Variants in RPS6KA2 observed in about 807,000 individuals in gnomAD.
RPS6KA2 encodes ribosomal protein S6 kinase A2.
Under a neutral mutation model 91.8 loss-of-function variants are expected in RPS6KA2, and 42 were observed. The observed-to-expected ratio is 0.46, with a 90% CI of 0.36 to 0.59. The LOEUF is 0.59. Among genes scored for constraint, RPS6KA2 ranks in the 20% least tolerant of loss-of-function variants. RPS6KA2 has a pLI of 0.00. For synonymous variants in RPS6KA2, 414 were observed against 393.6 expected (o/e 1.05, Z -0.61); for missense variants, 798 against 978.5 (o/e 0.82, Z 2.46).
Position 166,441,213 on chromosome 6 carries a change from G to A in RPS6KA2, c.1332+7511C>T, listed in dbSNP as rs928083279. 5.3e-5 allele frequency among the ~76,000 whole-genome samples: 8 copies of A among 152,044 alleles called. No homozygotes were observed. In the East Asian group the frequency reaches 9.7e-4, roughly 18 times the overall value. On this transcript the variant is annotated intron_variant, in intron 14 of 20. Transcript: ENST00000265678. ...ATTTTATTTAACTGCTCCTAGTCCCGGCCTCTGTGCCTGTGAACGCTCCTT... is the reference window on the plus strand; with the variant it reads ...ATTTTATTTAACTGCTCCTAGTCCCAGCCTCTGTGCCTGTGAACGCTCCTT...
In RPS6KA2 at chr6:166,533,539, G is replaced by A. The variant is rs949526287; in HGVS notation, c.217-2226C>T. On this transcript the variant is annotated intron_variant, in intron 2 of 20. Coordinates refer to ENST00000265678, the MANE Select transcript of RPS6KA2 (RefSeq NM_021135.6). The surrounding 1 kb of genome is among the most constrained non-coding windows in gnomAD (Gnocchi z 4.0). ...CAGTGACACCAGCAAGGGCAGGGGTGTGCCTTCCTGGCCTAGGCAATGAAG... is the reference window on the plus strand; with the variant it reads ...CAGTGACACCAGCAAGGGCAGGGGTATGCCTTCCTGGCCTAGGCAATGAAG... 1.9e-4 allele frequency among the ~76,000 whole-genome samples: 29 copies of A among 152,242 alleles called. No homozygotes were observed. Among genetic ancestry groups the A allele is most frequent in the Middle Eastern group, 3.2e-3 (1 of 316 alleles).
At chr6:166,776,242 C>CA (rs1778615653) in intron 2 of RPS6KA2, among the ~76,000 whole-genome samples, 1 of 152,028 alleles carries the variant, frequency 6.6e-6, no homozygotes. Context: ...TAAAACACAA[C>CA]AAAAAAGGAG....
At chr6:166,782,199 C>T (rs890614305) in intron 2 of RPS6KA2, among the ~76,000 whole-genome samples, 1 of 152,112 alleles carries the variant, frequency 6.6e-6, no homozygotes, top group East Asian at 1.9e-4. Context: ...GACTGAGGCA[C>T]GAGAATTGCT....
At chr6:166,594,501 C>T (rs537594302) in intron 1 of RPS6KA2, among the ~76,000 whole-genome samples, 38 of 152,046 alleles carry the variant, frequency 2.5e-4, no homozygotes, top group African/African-American at 8.7e-4. Flanking sequence ...CTCGCTCTGT[C>T]GCCCAGGCTG....
chr6:166,449,875 GGACCACCATGGGACAACCACGA>G (rs1562500919), intron 13 of RPS6KA2, among the ~76,000 whole-genome samples: 23 of 131,306 alleles, frequency 1.8e-4, no homozygotes, highest in South Asian at 1.2e-3. Context: ...ACCACCACGC[GGACCACCATGGGACAACCACGA>G]GGACCACCAT....
At chr6:166,509,747 T>A (rs1782397255) in intron 4 of RPS6KA2, among the ~76,000 whole-genome samples, 2 of 152,188 alleles carry the variant, frequency 1.3e-5, no homozygotes, top group Admixed American at 1.3e-4. Context: ...AGACAGCAAA[T>A]GAAGAGAAGT....
At chr6:166,684,088 T>C (rs2128567740) in intron 2 of RPS6KA2, among the ~76,000 whole-genome samples, 1 of 152,092 alleles carries the variant, frequency 6.6e-6, no homozygotes. Context: ...GGGACAGAGA[T>C]CAGAAAACAG....
intron 2 of RPS6KA2, among the ~76,000 whole-genome samples, chr6:166,650,547 C>T (rs1021441776): frequency 2.0e-5 from 3 of 152,156 alleles, no homozygotes; most frequent in Admixed American, 1.3e-4. Context: ...CCTCTTTTCA[C>T]GGCCATCACT....
At position 166,418,233 on chromosome 6, in the gene RPS6KA2, C is replaced by T. The variant is rs750818492; in HGVS notation, c.1930G>A (p.Ala644Thr). 1.7e-5 allele frequency: 27 copies of T among 1,601,396 alleles called. No homozygotes were observed. Among genetic ancestry groups the T allele is most frequent in the Middle Eastern group, 3.3e-4 (2 of 6,066 alleles). ...SGGNWDSISD[A>T]AKDVVSKMLH... ...CTGGGACATGTACTCACTTTAGCTG[C>T]GTCAGATATCGAGTCCCAGTTTCCC... The change falls in exon 19 of 21, where the codon GCA becomes ACA. Residue 644 changes from alanine to threonine, a missense_variant. Ala to Thr is a moderately conservative substitution (Grantham distance 58). Coordinates refer to ENST00000265678, the MANE Select transcript of RPS6KA2 (RefSeq NM_021135.6). The surrounding 1 kb of genome is among the most constrained non-coding windows in gnomAD (Gnocchi z 4.9).
Position 166,508,144 on chromosome 6 carries a change from C to T in RPS6KA2, c.459+59G>A. Reference sequence around the variant, plus strand: ...TCTCAATGCTCTCCACCCCTCCTCCCCTCGAGTCCCAGACAGAAGCTCCTG... The same window carrying T: ...TCTCAATGCTCTCCACCCCTCCTCCTCTCGAGTCCCAGACAGAAGCTCCTG... On this transcript the variant is annotated intron_variant, in intron 5 of 20. Coordinates refer to ENST00000265678, the MANE Select transcript of RPS6KA2 (RefSeq NM_021135.6). The surrounding 1 kb of genome is among the most constrained non-coding windows in gnomAD (Gnocchi z 4.3). 1 of 1,116,534 alleles carries T rather than the reference C, an allele frequency of 9.0e-7. No homozygotes were observed. Among genetic ancestry groups the T allele is most frequent in the Non-Finnish European group, 1.4e-6 (1 of 738,888 alleles). 69.2% of individuals were successfully genotyped at this position (1,116,534 alleles called of 1,614,324 possible). A position where few individuals can be genotyped will look rare whatever the true frequency, so the allele number is the denominator to read the frequency against.
At chr6:166,436,335 C>T (rs1033953535) in intron 14 of RPS6KA2, among the ~76,000 whole-genome samples, 2 of 143,696 alleles carry the variant, frequency 1.4e-5, no homozygotes, top group East Asian at 2.0e-4. Flanking sequence ...AAAAAAAAAA[C>T]CTCAGATGTC....
chr6:166,550,994 C>CTAAAAAAAAAAAAAAA (rs1784002853), intron 1 of RPS6KA2, among the ~76,000 whole-genome samples: 1 of 106,380 alleles, frequency 9.4e-6, no homozygotes, highest in Non-Finnish European at 2.0e-5. Flanking sequence ...GACTCTATCT[C>CTAAAAAAAAAAAAAAA]AAAAAAAAAA....
intron 1 of RPS6KA2, among the ~76,000 whole-genome samples, chr6:166,565,729 C>T (rs1784480512): frequency 6.6e-6 from 1 of 152,204 alleles, no homozygotes; most frequent in South Asian, 2.1e-4. Flanking sequence ...AGAGCCTGGA[C>T]CTGGGGCCTG....
chr6:166,782,164 C>A (rs1429169618), intron 2 of RPS6KA2, among the ~76,000 whole-genome samples: 1 of 152,014 alleles, frequency 6.6e-6, no homozygotes, highest in Non-Finnish European at 1.5e-5. Context: ...TAGTGGTGAG[C>A]GCCTGTAACC....
At chr6:166,544,933 G>C (rs1197612126) in intron 1 of RPS6KA2, among the ~76,000 whole-genome samples, 1 of 152,204 alleles carries the variant, frequency 6.6e-6, no homozygotes, top group African/African-American at 2.4e-5. Flanking sequence ...CTCAAGAATG[G>C]AAATCAGGCT....
intron 1 of RPS6KA2, among the ~76,000 whole-genome samples, chr6:166,576,271 C>A (rs893886099): frequency 6.6e-6 from 1 of 152,094 alleles, no homozygotes; most frequent in South Asian, 2.1e-4. Context: ...AAATTGGTAC[C>A]AGTAGAGTAA....
At chr6:166,507,822 A>ACATGCACACACACTCACATTCCCACACAC (rs1312926435) in intron 5 of RPS6KA2, among the ~76,000 whole-genome samples, 12 of 149,376 alleles carry the variant, frequency 8.0e-5, no homozygotes, top group Admixed American at 2.0e-4. Context: ...TGCACACCCC[A>ACATGCACACACACTCACATTCCCACACAC]CATGCACACA....
intron 14 of RPS6KA2, among the ~76,000 whole-genome samples, chr6:166,441,877 G>A (rs1339159155): frequency 2.6e-5 from 4 of 152,246 alleles, no homozygotes; most frequent in African/African-American, 7.2e-5. Flanking sequence ...GCCGGGGGCC[G>A]GGGGCCGGGA....
intron 2 of RPS6KA2, among the ~76,000 whole-genome samples, chr6:166,734,168 G>C (rs183312372): frequency 6.6e-6 from 1 of 152,212 alleles, no homozygotes; most frequent in Admixed American, 6.5e-5. Context: ...CAAGGGGGCC[G>C]AGGGCTCCTG....
Sources: gnomAD v4.1 joint callset for allele counts (sites outside exome capture counted in the v4.1 genomes callset) on GRCh38, gnomAD v4.1.1 for gene constraint, Gnocchi (gnomAD v3.1) non-coding constraint, MANE v1.5 for transcripts, NCBI Gene and HGNC (gene_info 2026-07-23, HGNC 2026-07-21) for gene names.